The following FBXO25 variants were observed in gnomAD, a reference collection of about 807,000 sequenced individuals.
FBXO25 encodes F-box protein 25.
Under a neutral mutation model 51.9 loss-of-function variants are expected in FBXO25, and 45 were observed. That is an observed-to-expected ratio of 0.87 (90% CI 0.68 to 1.11). The LOEUF is 1.11. Among genes scored for constraint, FBXO25 ranks in the 50% most tolerant of loss-of-function variants. The pLI, the probability that FBXO25 is intolerant of heterozygous loss-of-function variation, is 0.00. For synonymous variants in FBXO25, 199 were observed against 151.0 expected (o/e 1.32, Z -2.33); for missense variants, 507 against 428.5 (o/e 1.18, Z -1.62).
intron 2 of FBXO25, among the ~76,000 whole-genome samples, chr8:428,906 A>G (rs1355879005): frequency 6.6e-6 from 1 of 152,200 alleles, no homozygotes; most frequent in Non-Finnish European, 1.5e-5. Flanking sequence ...CATATTGTGT[A>G]TAGTGTACAC....
At chr8:454,008 C>G (rs1054390070) in intron 7 of FBXO25, among the ~76,000 whole-genome samples, 2 of 152,098 alleles carry the variant, frequency 1.3e-5, no homozygotes, top group African/African-American at 4.8e-5. Context: ...CCTGTAGTCA[C>G]AGCTACTCGG....
At chr8:434,445 G>A (rs1318978641) in intron 4 of FBXO25, among the ~76,000 whole-genome samples, 1 of 152,178 alleles carries the variant, frequency 6.6e-6, no homozygotes, top group African/African-American at 2.4e-5. Flanking sequence ...CCAGGAAAAT[G>A]TTTTCCACAT....
intron 1 of FBXO25, among the ~76,000 whole-genome samples, chr8:410,352 G>C (rs1404325088): frequency 6.6e-6 from 1 of 152,050 alleles, no homozygotes; most frequent in Non-Finnish European, 1.5e-5. Context: ...ATAACATGTA[G>C]TTGGTGCTCA....
In FBXO25 at chr8:467,634, A is replaced by G. The variant is rs1379446840; in HGVS notation, c.988-1081A>G. ...GAATCAAACCTGAATGCTTAGATAC[A>G]CTCTGGCTCTTTCTAATCTTAACTT... On this transcript the variant is annotated intron_variant, in intron 9 of 9. Coordinates refer to ENST00000350302, the MANE Select transcript of FBXO25 (RefSeq NM_183420.2). 8 of 1,338,554 alleles carry G rather than the reference A, an allele frequency of 6.0e-6. No homozygotes were observed. In the Admixed American group the frequency reaches 6.8e-5, roughly 11 times the overall value. The allele number at this position is 1,338,554 out of a possible 1,614,324, so 82.9% of individuals were successfully genotyped here.
In FBXO25 at chr8:472,119, G is replaced by A. The variant is rs7821993; in HGVS notation, c.*3315G>A. 152,286 of 152,346 alleles carry A rather than the reference G, an allele frequency of 1. 76,114 individuals are homozygous for A. The highest frequency in any genetic ancestry group is 1 in the Middle Eastern group (294 of 294). 9.4% of individuals were successfully genotyped at this position (152,346 alleles called of 1,614,324 possible). On this transcript the variant is annotated 3_prime_UTR_variant, in exon 10 of 10. Transcript: ENST00000350302. Reference sequence around the variant, plus strand: ...CTAGTACAATGTTGAATAGCAGTGCGAGAGTGAACATCCTTGTCTTGTTCC... The same window carrying A: ...CTAGTACAATGTTGAATAGCAGTGCAAGAGTGAACATCCTTGTCTTGTTCC...
Position 457,179 on chromosome 8 carries a change from C to A in FBXO25, c.661-1190C>A, listed in dbSNP as rs1213869500. ...CAGAAGCGCCACCCCAGACTGGGGTCAGGAGCTGAGGCGGGACCAGGTAGC... is the reference window on the plus strand; with the variant it reads ...CAGAAGCGCCACCCCAGACTGGGGTAAGGAGCTGAGGCGGGACCAGGTAGC... On this transcript the variant is annotated intron_variant, in intron 7 of 9. Coordinates refer to ENST00000350302, the MANE Select transcript of FBXO25 (RefSeq NM_183420.2). Among the ~76,000 whole-genome samples, 3 of 152,196 alleles carry A rather than the reference C, an allele frequency of 2.0e-5. No homozygotes were observed. In the South Asian group the frequency reaches 6.2e-4, roughly 32 times the overall value.
intron 1 of FBXO25, among the ~76,000 whole-genome samples, chr8:408,055 G>A (rs559431287): frequency 2.4e-4 from 36 of 152,218 alleles, no homozygotes; most frequent in African/African-American, 7.0e-4. Flanking sequence ...TCGTCTTTAC[G>A]TGTTTACCTT....
chr8:437,553 A>C (rs1043870037), intron 5 of FBXO25, among the ~76,000 whole-genome samples: 3 of 152,206 alleles, frequency 2.0e-5, no homozygotes, highest in African/African-American at 7.2e-5. Flanking sequence ...AGTTACCTCT[A>C]AAAAGTGATT....
chr8:426,155 G>T (rs1464270172), intron 2 of FBXO25, among the ~76,000 whole-genome samples: 1 of 152,134 alleles, frequency 6.6e-6, no homozygotes, highest in East Asian at 1.9e-4. Flanking sequence ...AGACCACCCT[G>T]CAGCTCACCT....
Position 472,563 on chromosome 8 carries a change from C to G in FBXO25, c.*3759C>G, listed in dbSNP as rs905654878. ...TGATCTCTTGGGTTTTGGTGTCCAT[C>G]TCATAGGATAAGCTTAGAAAGTGTT... On this transcript the variant is annotated 3_prime_UTR_variant, in exon 10 of 10. Coordinates refer to ENST00000350302, the MANE Select transcript of FBXO25 (RefSeq NM_183420.2). 2 of 140,998 alleles carry G rather than the reference C, an allele frequency of 1.4e-5. No individual in the cohort carries two copies. The highest frequency in any genetic ancestry group is 5.1e-5 in the African/African-American group (2 of 38,854). 8.7% of individuals were successfully genotyped at this position (140,998 alleles called of 1,614,324 possible).
chr8:423,935 C>T (rs1201147364), intron 2 of FBXO25, among the ~76,000 whole-genome samples: 1 of 152,152 alleles, frequency 6.6e-6, no homozygotes, highest in South Asian at 2.1e-4. Flanking sequence ...TCTGTTTTCT[C>T]CTCAGCCTTG....
chr8:425,469 C>A (rs762765327), intron 2 of FBXO25, among the ~76,000 whole-genome samples: 2 of 151,360 alleles, frequency 1.3e-5, no homozygotes, highest in East Asian at 3.9e-4. Context: ...TGAGAGCCAG[C>A]TTTTGGATTT....
intron 5 of FBXO25, among the ~76,000 whole-genome samples, chr8:439,849 C>G (rs1301720548): frequency 6.6e-6 from 1 of 152,224 alleles, no homozygotes; most frequent in Non-Finnish European, 1.5e-5. Flanking sequence ...AGGAGGATAA[C>G]TTGAGCCCAG....
intron 4 of FBXO25, among the ~76,000 whole-genome samples, chr8:434,071 G>A (rs1001533683): frequency 2.0e-5 from 3 of 152,204 alleles, no homozygotes; most frequent in African/African-American, 7.2e-5. Context: ...TTCTTGTGAG[G>A]CTGTGGGGAT....
At chr8:459,428 C>T (rs1799663293) in intron 8 of FBXO25, among the ~76,000 whole-genome samples, 1 of 152,004 alleles carries the variant, frequency 6.6e-6, no homozygotes, top group South Asian at 2.1e-4. Flanking sequence ...ACGGCAGAGG[C>T]CGAGCTACAC....
chr8:457,420 C>T (rs1395667336), intron 7 of FBXO25, among the ~76,000 whole-genome samples: 3 of 152,230 alleles, frequency 2.0e-5, no homozygotes, highest in Non-Finnish European at 4.4e-5. Context: ...CACCCTTCCT[C>T]AGCCTGGCAC....
chr8:441,687 T>A (rs1352822051), intron 5 of FBXO25, among the ~76,000 whole-genome samples: 21 of 151,972 alleles, frequency 1.4e-4, no homozygotes, highest in Admixed American at 1.4e-3. Context: ...AACAACCCCA[T>A]CAAAAAGTGG....
At chr8:431,662 C>G (rs1291839874) in intron 3 of FBXO25, among the ~76,000 whole-genome samples, 1 of 152,168 alleles carries the variant, frequency 6.6e-6, no homozygotes, top group Admixed American at 6.5e-5. Context: ...GCCAAACCCA[C>G]AAAACAGCCC....
At chr8:430,636 G>C (rs1221600794) in intron 2 of FBXO25, among the ~76,000 whole-genome samples, 1 of 152,158 alleles carries the variant, frequency 6.6e-6, no homozygotes, top group African/African-American at 2.4e-5. Context: ...TCTGTTATCA[G>C]TGTGTGGAAA....
Sources: allele counts gnomAD v4.1 joint callset (sites outside exome capture counted in the v4.1 genomes callset), GRCh38; gene constraint gnomAD v4.1.1; transcripts MANE v1.5; gene names NCBI Gene and HGNC (gene_info 2026-07-23, HGNC 2026-07-21).